PLEKHO2: variants seen among roughly 807,000 people sequenced by gnomAD.
PLEKHO2 encodes pleckstrin homology domain containing O2.
In PLEKHO2, 20 loss-of-function variants were observed where a neutral mutation model predicts 32.7. That is an observed-to-expected ratio of 0.61 (90% CI 0.43 to 0.89). The LOEUF (loss-of-function observed/expected upper bound fraction) is 0.89, where lower values mean the gene tolerates loss of function less well. Ranked by LOEUF, PLEKHO2 falls within the 40% of genes least tolerant of loss-of-function variation. PLEKHO2 has a pLI of 0.00. For missense variants in PLEKHO2, 568 were observed against 621.2 expected, an observed-to-expected ratio of 0.91 and a Z score of 0.91; for synonymous variants, 247 against 246.3, an observed-to-expected ratio of 1.00 and a Z score of -0.03.
At chr15:64,864,410 A>G (rs542067455) in intron 5 of PLEKHO2, among the ~76,000 whole-genome samples, 1 of 152,254 alleles carries the variant, frequency 6.6e-6, no homozygotes, top group South Asian at 2.1e-4. Flanking sequence ...AGTGAGCTTG[A>G]GATGAACTGG....
chr15:64,864,848 C>A, intron 5 of PLEKHO2, 51 bp from the exon 6 acceptor site: 1 of 1,533,758 alleles, frequency 6.5e-7, no homozygotes, highest in Non-Finnish European at 8.8e-7. Flanking sequence ...GCACACCTGA[C>A]CCAATGGCTA....
At chr15:64,844,554 C>T (rs1445354458) in intron 1 of PLEKHO2, among the ~76,000 whole-genome samples, 1 of 152,170 alleles carries the variant, frequency 6.6e-6, no homozygotes, top group Non-Finnish European at 1.5e-5. Flanking sequence ...CTTTCCCTGG[C>T]TTCTAGGCTC....
chr15:64,858,989 C>T (rs2084624546), intron 3 of PLEKHO2, among the ~76,000 whole-genome samples: 1 of 152,210 alleles, frequency 6.6e-6, no homozygotes, highest in Non-Finnish European at 1.5e-5. Context: ...ATTTTGACAA[C>T]TCTAGGTACC....
intron 1 of PLEKHO2, among the ~76,000 whole-genome samples, chr15:64,847,737 C>G (rs950171): frequency 0.56 from 84,704 of 152,070 alleles, 24,867 homozygotes; most frequent in East Asian, 0.94. Flanking sequence ...CCTGTGCCAG[C>G]CTGTGGTCAA....
rs1448326943 is a variant in PLEKHO2, at chr15:64,849,466, G to A, written c.162+724G>A. 3.0e-5 allele frequency among the ~76,000 whole-genome samples: 4 copies of A among 132,394 alleles called. No individual in the cohort carries two copies. The Admixed American group carries it at 3.1e-4, about 10-fold the overall frequency. The allele number at this position is 132,394 out of a possible 152,430, so 86.9% of individuals were successfully genotyped here. On this transcript the variant is annotated intron_variant, in intron 2 of 5. Transcript: ENST00000323544. ...TGGCCCTCTTTTTTTTTTTTGAGATGGAGTTTCGCTCTTGTTGCCCAGGCT... is the reference window on the plus strand; with the variant it reads ...TGGCCCTCTTTTTTTTTTTTGAGATAGAGTTTCGCTCTTGTTGCCCAGGCT...
In PLEKHO2 at chr15:64,865,263, C is replaced by T; in HGVS notation, c.848C>T (p.Pro283Leu). The T allele has an allele frequency of 1.9e-6, 3 of 1,614,020 alleles. No homozygotes were observed. Among genetic ancestry groups the T allele is most frequent in the East Asian group, 4.5e-5 (2 of 44,882 alleles). ...SWENPSPQEA[P>L]AAESAEPSQA... ...GAGAACCCCAGCCCCCAGGAGGCCC[C>T]TGCTGCAGAGAGTGCAGAACCGTCC... Residue 283 changes from proline (P) to leucine (L), a missense_variant, in exon 6 of 6, where the codon CCT (proline) becomes CTT (leucine). Physicochemically the swap from Pro to Leu is moderately conservative, Grantham distance 98. Coordinates refer to ENST00000323544, the MANE Select transcript of PLEKHO2 (RefSeq NM_025201.5).
chr15:64,858,151 A>C (rs2084617746), intron 3 of PLEKHO2, among the ~76,000 whole-genome samples: 1 of 152,236 alleles, frequency 6.6e-6, no homozygotes, highest in South Asian at 2.1e-4. Flanking sequence ...GAGCTGAGGC[A>C]GTTGCCAAGG....
intron 2 of PLEKHO2, among the ~76,000 whole-genome samples, chr15:64,852,129 G>A (rs1200065368): frequency 6.6e-6 from 1 of 152,120 alleles, no homozygotes; most frequent in Non-Finnish European, 1.5e-5. Context: ...GGCAGGACTC[G>A]GCTCCTAGCA....
intron 3 of PLEKHO2, 51 bp downstream of exon 3, chr15:64,855,088 TG>T: frequency 6.8e-7 from 1 of 1,465,604 alleles, no homozygotes; most frequent in Non-Finnish European, 9.4e-7. Context: ...AGAGTCAGCT[TG>T]GGAGGCCTAA....
Position 64,865,612 on chromosome 15 carries a change from G to C in PLEKHO2, c.1197G>C (p.Pro399=). Reference sequence around the variant, plus strand: ...TTGGGGACTTGCTTGGGGAAGGCCCGCGGCATCCCTTGCAGCCCAGGGAAC... The same window carrying C: ...TTGGGGACTTGCTTGGGGAAGGCCCCCGGCATCCCTTGCAGCCCAGGGAAC... ...SSLGDLLGEG[P]RHPLQPRERL... is the part of the protein sequence containing the mutation. Residue 399 remains proline (P), a synonymous_variant, in exon 6 of 6, where the codon CCG becomes CCC. Transcript: ENST00000323544. 1 of 1,614,242 alleles carries C rather than the reference G, an allele frequency of 6.2e-7. No homozygotes were observed. The highest frequency in any genetic ancestry group is 1.1e-5 in the South Asian group (1 of 91,088).
At chr15:64,854,326 C>T (rs2084591560) in intron 2 of PLEKHO2, among the ~76,000 whole-genome samples, 1 of 152,166 alleles carries the variant, frequency 6.6e-6, no homozygotes, top group Non-Finnish European at 1.5e-5. Context: ...GGAGCCCTTG[C>T]CTGTTGCTTG....
chr15:64,845,214 C>CTTTTT (rs771584682), intron 1 of PLEKHO2, among the ~76,000 whole-genome samples: 1 of 121,280 alleles, frequency 8.2e-6, no homozygotes, highest in Non-Finnish European at 1.7e-5. Flanking sequence ...GACCTGGCTT[C>CTTTTT]TTTTTTTTTT....
At position 64,842,004 on chromosome 15, in the gene PLEKHO2, C is replaced by G; in HGVS notation, c.-13C>G. Reference sequence around the variant, plus strand: ...AGCGAGTGGCGGAGCGGCGGGACCTCGGCGGACTCGCCATGGAGGAGGAGG... The same window carrying G: ...AGCGAGTGGCGGAGCGGCGGGACCTGGGCGGACTCGCCATGGAGGAGGAGG... On this transcript the variant is annotated 5_prime_UTR_variant, in exon 1 of 6. Transcript: ENST00000323544. 1 of 1,245,714 alleles carries G rather than the reference C, an allele frequency of 8.0e-7. No homozygotes were observed. The highest frequency in any genetic ancestry group is 1.0e-6 in the Non-Finnish European group (1 of 995,580). 77.2% of individuals were successfully genotyped at this position (1,245,714 alleles called of 1,614,324 possible). A position where few individuals can be genotyped will look rare whatever the true frequency, so the allele number is the denominator to read the frequency against.
At chr15:64,862,490 C>CA (rs931941879) in intron 5 of PLEKHO2, among the ~76,000 whole-genome samples, 7 of 149,714 alleles carry the variant, frequency 4.7e-5, no homozygotes, top group African/African-American at 1.7e-4. Context: ...AGGGTATGGG[C>CA]AATGGGGAGG....
chr15:64,861,544 G>A lies in PLEKHO2; in HGVS notation c.452G>A (p.Arg151His), dbSNP rs771783925. ...GACCGGGTGCGAGGGGGCCAGCGAC[G>A]CCGGCCACCAACGAGAGTCCACCTG... ...TRDRVRGGQR[R>H]RPPTRVHLKE... The change falls in exon 5 of 6, where the codon CGC (arginine) becomes CAC (histidine). Residue 151 changes from arginine (R) to histidine (H), a missense_variant. Coordinates refer to ENST00000323544, the MANE Select transcript of PLEKHO2 (RefSeq NM_025201.5). 3 of 1,607,464 alleles carry A rather than the reference G, an allele frequency of 1.9e-6. No homozygotes were observed. Among genetic ancestry groups the A allele is most frequent in the Non-Finnish European group, 2.5e-6 (3 of 1,177,654 alleles).
intron 5 of PLEKHO2, among the ~76,000 whole-genome samples, chr15:64,863,513 GTGTGTT>G (rs1228624341): frequency 1.9e-5 from 2 of 105,914 alleles, no homozygotes; most frequent in African/African-American, 4.2e-5. Context: ...CTGTGTGTGT[GTGTGTT>G]TGTGTGTGTG....
chr15:64,848,124 G>A (rs773412399), intron 1 of PLEKHO2, among the ~76,000 whole-genome samples: 5 of 152,198 alleles, frequency 3.3e-5, no homozygotes, highest in Non-Finnish European at 5.9e-5. Context: ...TTATTCTCCT[G>A]TGATGTTGTA....
Position 64,867,434 on chromosome 15 carries a change from A to G in PLEKHO2, c.*1546A>G, listed in dbSNP as rs2084697198. 1.3e-5 allele frequency: 2 copies of G among 152,368 alleles called. No homozygotes were observed. Among genetic ancestry groups the G allele is most frequent in the African/African-American group, 2.4e-5 (1 of 41,456 alleles). 9.4% of individuals were successfully genotyped at this position (152,368 alleles called of 1,614,324 possible). A position where few individuals can be genotyped will look rare whatever the true frequency, so the allele number is the denominator to read the frequency against. The stretch of plus-strand genomic sequence containing the variant: ...GCAATGCACTGGTTCGGGAGCCCCC[A>G]TCAGCCTCCTTGTGCAAACTGGGCC... On this transcript the variant is annotated 3_prime_UTR_variant, in exon 6 of 6. Coordinates refer to ENST00000323544, the MANE Select transcript of PLEKHO2 (RefSeq NM_025201.5).
intron 1 of PLEKHO2, among the ~76,000 whole-genome samples, chr15:64,842,390 CTGTGTGTGTGTGTGTG>C (rs1184410989): frequency 2.8e-5 from 4 of 145,192 alleles, no homozygotes; most frequent in Non-Finnish European, 6.1e-5. Context: ...CTCTCTCTCT[CTGTGTGTGTGTGTGTG>C]TGTGTGTGTG....
Sources: allele counts gnomAD v4.1 joint callset (sites outside exome capture counted in the v4.1 genomes callset), GRCh38; gene constraint gnomAD v4.1.1; transcripts MANE v1.5; gene names NCBI Gene and HGNC (gene_info 2026-07-23, HGNC 2026-07-21).